The following DYNLT2B variants were observed in gnomAD, a reference collection of about 807,000 sequenced individuals.
DYNLT2B encodes dynein light chain Tctex-type protein 2B.
A neutral mutation model predicts 19.5 loss-of-function variants in DYNLT2B; 14 were observed. The ratio of observed to expected loss-of-function variants is 0.72; its 90% CI spans 0.47 to 1.12. The LOEUF (loss-of-function observed/expected upper bound fraction) is 1.12, where lower values mean the gene tolerates loss of function less well. Ranked by LOEUF, DYNLT2B falls within the 50% of genes most tolerant of loss-of-function variation. The pLI is 0.00. For missense variants in DYNLT2B, 133 were observed against 174.7 expected (o/e 0.76, Z 1.35); for synonymous variants, 70 against 59.7 (o/e 1.17, Z -0.79).
intron 2 of DYNLT2B, 116 bp downstream of exon 2, chr3:196,315,982 G>T: frequency 1.7e-6 from 2 of 1,148,120 alleles, no homozygotes; most frequent in Non-Finnish European, 2.4e-6. Context: ...TGGGATTGTA[G>T]GCGTGAGCCA....
chr3:196,297,952 T>C (rs1726263470), intron 3 of DYNLT2B: 1 of 153,484 alleles, frequency 6.5e-6, no homozygotes, highest in Non-Finnish European at 1.5e-5. Flanking sequence ...ATATTCCCAA[T>C]AAAACACGTC....
chr3:196,308,000 G>C (rs1726538056), intron 2 of DYNLT2B, among the ~76,000 whole-genome samples: 1 of 147,706 alleles, frequency 6.8e-6, no homozygotes, highest in Non-Finnish European at 1.5e-5. Flanking sequence ...AGAATTGCTT[G>C]AACCTGGGAG....
intron 3 of DYNLT2B, among the ~76,000 whole-genome samples, chr3:196,298,513 C>T (rs565017694): frequency 1.3e-5 from 2 of 151,982 alleles, no homozygotes; most frequent in East Asian, 3.9e-4. Context: ...AGGGTTTCAC[C>T]ATGTGGGCCA....
chr3:196,312,893 A>T (rs1726679126), intron 2 of DYNLT2B, among the ~76,000 whole-genome samples: 1 of 151,990 alleles, frequency 6.6e-6, no homozygotes, highest in Non-Finnish European at 1.5e-5. Context: ...GAAATAAGGA[A>T]CTCTTCCCAG....
chr3:196,303,397 G>A (rs1229131266), intron 3 of DYNLT2B, among the ~76,000 whole-genome samples: 3 of 152,186 alleles, frequency 2.0e-5, no homozygotes, highest in African/African-American at 7.2e-5. Context: ...GCGGGCAAGT[G>A]AACCCACTGA....
At chr3:196,312,146 C>T (rs980620079) in intron 2 of DYNLT2B, among the ~76,000 whole-genome samples, 4 of 152,320 alleles carry the variant, frequency 2.6e-5, no homozygotes, top group African/African-American at 9.6e-5. Flanking sequence ...TCCCTAAGTG[C>T]TGGGATTACA....
At chr3:196,303,080 G>A (rs1461027458) in intron 3 of DYNLT2B, among the ~76,000 whole-genome samples, 3 of 152,064 alleles carry the variant, frequency 2.0e-5, no homozygotes, top group Non-Finnish European at 4.4e-5. Flanking sequence ...CCCTGCACTT[G>A]ATGGATCAGC....
intron 2 of DYNLT2B, among the ~76,000 whole-genome samples, chr3:196,315,861 A>C (rs558062926): frequency 6.6e-6 from 1 of 152,198 alleles, no homozygotes; most frequent in South Asian, 2.1e-4. Flanking sequence ...AACAAGAGTG[A>C]AACTCCATCT....
Position 196,296,029 on chromosome 3 carries a change from AGTT to A in DYNLT2B, c.355_357del (p.Asn119del), listed in dbSNP as rs1325413052. The A allele has an allele frequency of 1.2e-6, 2 of 1,613,842 alleles. No homozygotes were observed. The highest frequency in any genetic ancestry group is 2.7e-5 in the African/African-American group (2 of 74,932). On this transcript the variant is annotated inframe_deletion, in exon 4 of 5. Transcript: ENST00000325318. ...ACATTCATGAAAACATCATGAGTAT[AGTT>A]GTCAGTGTCAGCATCCCAGAAACAG...
At chr3:196,297,323 G>C (rs1432016135) in intron 3 of DYNLT2B, among the ~76,000 whole-genome samples, 2 of 152,120 alleles carry the variant, frequency 1.3e-5, no homozygotes, top group African/African-American at 4.8e-5. Context: ...TCAGGAGTTC[G>C]AGACCAGCCT....
At chr3:196,309,260 A>ATTTTTCTT (rs1374261743) in intron 2 of DYNLT2B, among the ~76,000 whole-genome samples, 5 of 151,764 alleles carry the variant, frequency 3.3e-5, no homozygotes, top group Non-Finnish European at 5.9e-5. Context: ...CCACAAAACA[A>ATTTTTCTT]TTTTTCTTTT....
intron 3 of DYNLT2B, among the ~76,000 whole-genome samples, chr3:196,304,209 T>C (rs1256003160): frequency 6.6e-6 from 1 of 151,994 alleles, no homozygotes; most frequent in East Asian, 1.9e-4. Context: ...CTCAGCTCAC[T>C]GCAACCTCCA....
intron 3 of DYNLT2B, among the ~76,000 whole-genome samples, chr3:196,304,877 C>T (rs1171101564): frequency 6.6e-6 from 1 of 151,786 alleles, no homozygotes; most frequent in Non-Finnish European, 1.5e-5. Flanking sequence ...CACTTATCTA[C>T]CTACCTACCT....
intron 3 of DYNLT2B, among the ~76,000 whole-genome samples, chr3:196,297,456 T>C (rs1342561136): frequency 2.0e-5 from 3 of 151,706 alleles, no homozygotes; most frequent in Non-Finnish European, 2.9e-5. Flanking sequence ...ACCCAGGAGG[T>C]GGAGGCTGCA....
At chr3:196,308,082 G>GAAAAAAAAAAAAAA (rs201886079) in intron 2 of DYNLT2B, among the ~76,000 whole-genome samples, 1 of 109,010 alleles carries the variant, frequency 9.2e-6, no homozygotes, top group African/African-American at 3.8e-5. Context: ...ACTCCATCTC[G>GAAAAAAAAAAAAAA]AAAAAAAAAA....
Position 196,316,228 on chromosome 3 carries a change from G to T in DYNLT2B, c.117C>A (p.Phe39Leu). 6.2e-7 allele frequency: 1 copy of T among 1,605,730 alleles called. No homozygotes were observed. The highest frequency in any genetic ancestry group is 8.5e-7 in the Non-Finnish European group (1 of 1,176,044). Residue 39 changes from phenylalanine (F) to leucine (L), a missense_variant, in exon 2 of 5, where the codon TTC (phenylalanine) becomes TTA (leucine). Phe to Leu is a conservative substitution (Grantham distance 22). Transcript: ENST00000325318. Reference sequence around the variant, plus strand: ...TACAGTCTTTAACCACAGAGGGCCTGAACCTGAATGGAACAATTTGTGAAC... The same window carrying T: ...TACAGTCTTTAACCACAGAGGGCCTTAACCTGAATGGAACAATTTGTGAAC... ...YILRPVFQQR[F>L]RPSVVKDCIH...
In DYNLT2B at chr3:196,316,133, T is replaced by C; in HGVS notation, c.212A>G (p.Lys71Arg). The change falls in exon 2 of 5, where the codon AAA becomes AGA. Residue 71 changes from lysine (K) to arginine (R), a missense_variant. Lys to Arg is a conservative substitution (Grantham distance 26, BLOSUM62 2). Transcript: ENST00000325318. ...ATCTTTAATGTTTTCTGATAAATGT[T>C]TTGTAAGCTGAGGCATTTCTTCTGG... ...YSPEEMPQLT[K>R]HLSENIKDKL... 6.2e-7 allele frequency: 1 copy of C among 1,613,894 alleles called. No homozygotes were observed. Among genetic ancestry groups the C allele is most frequent in the Non-Finnish European group, 8.5e-7 (1 of 1,179,848 alleles).
intron 3 of DYNLT2B, among the ~76,000 whole-genome samples, chr3:196,302,233 C>G (rs746714860): frequency 6.6e-6 from 1 of 152,198 alleles, no homozygotes; most frequent in South Asian, 2.1e-4. Flanking sequence ...AAAAAGAGAG[C>G]GGAGTGGAAG....
chr3:196,316,131 G>T lies in DYNLT2B; in HGVS notation c.214C>A (p.His72Asn), dbSNP rs779422389. 1 of 1,613,606 alleles carries T rather than the reference G, an allele frequency of 6.2e-7. No individual in the cohort carries two copies. The highest frequency in any genetic ancestry group is 8.5e-7 in the Non-Finnish European group (1 of 1,179,722). The change falls in exon 2 of 5, where the codon CAT (histidine) becomes AAT (asparagine). Residue 72 changes from histidine (H) to asparagine (N), a missense_variant. His to Asn is a moderately conservative substitution (Grantham distance 68). Coordinates refer to ENST00000325318, the MANE Select transcript of DYNLT2B (RefSeq NM_152773.5). ...TTATCTTTAATGTTTTCTGATAAATGTTTTGTAAGCTGAGGCATTTCTTCT... is the reference window on the plus strand; with the variant it reads ...TTATCTTTAATGTTTTCTGATAAATTTTTTGTAAGCTGAGGCATTTCTTCT... ...SPEEMPQLTK[H>N]LSENIKDKLK...
Sources: gnomAD v4.1 joint callset for allele counts (sites outside exome capture counted in the v4.1 genomes callset) on GRCh38, gnomAD v4.1.1 for gene constraint, MANE v1.5 for transcripts, NCBI Gene and HGNC (gene_info 2026-07-23, HGNC 2026-07-21) for gene names.